UGT1A8: variants seen among roughly 807,000 people sequenced by gnomAD.
UGT1A8 encodes UDP-glucuronosyltransferase 1A8.
Under a neutral mutation model 45.3 loss-of-function variants are expected in UGT1A8, and 39 were observed. That is an observed-to-expected ratio of 0.86 (90% CI 0.67 to 1.12). The LOEUF (loss-of-function observed/expected upper bound fraction) is 1.12. UGT1A8 is among the 50% of genes most tolerant of loss of function. The probability of loss-of-function intolerance (pLI) is 0.00; values close to 1 mark genes in which losing one functional copy is unlikely to be tolerated. For synonymous variants in UGT1A8, 275 were observed against 249.2 expected, an observed-to-expected ratio of 1.10 and a Z score of -0.97; for missense variants, 719 against 664.9, an observed-to-expected ratio of 1.08 and a Z score of -0.90.
chr2:233,678,674 G>A (rs936840231), intron 1 of UGT1A8, among the ~76,000 whole-genome samples: 4 of 152,164 alleles, frequency 2.6e-5, no homozygotes, highest in African/African-American at 9.7e-5. Flanking sequence ...GGCTTGTATT[G>A]TGTAAGGCCA....
intron 1 of UGT1A8, chr2:233,672,204 C>G: frequency 1.2e-6 from 2 of 1,614,170 alleles, no homozygotes; most frequent in Non-Finnish European, 1.7e-6. Context: ...ACCGGGAGTT[C>G]AAGGCTTTTG....
intron 1 of UGT1A8, chr2:233,760,741 C>G: frequency 6.2e-7 from 1 of 1,614,110 alleles, no homozygotes; most frequent in South Asian, 1.1e-5. Context: ...GCTGACGGAC[C>G]CTTTCCTTCC....
At chr2:233,693,592 C>A (rs1176856188) in intron 1 of UGT1A8, 1 of 1,614,232 alleles carries the variant, frequency 6.2e-7, no homozygotes, top group South Asian at 1.1e-5. Flanking sequence ...CCAGGTGCTA[C>A]ACAAAGTTTT....
At chr2:233,708,804 C>G (rs1422792473) in intron 1 of UGT1A8, 1 of 151,436 alleles carries the variant, frequency 6.6e-6, no homozygotes, top group Non-Finnish European at 1.5e-5. Context: ...ATTTGGGCAA[C>G]TTCCCCAAAT....
At chr2:233,725,722 A>G (rs368612917) in intron 1 of UGT1A8, among the ~76,000 whole-genome samples, 6 of 152,340 alleles carry the variant, frequency 3.9e-5, no homozygotes, top group African/African-American at 1.2e-4. Flanking sequence ...CATATGGTCA[A>G]TGTTTACAAA....
intron 1 of UGT1A8, among the ~76,000 whole-genome samples, chr2:233,626,772 G>A (rs979646335): frequency 1.3e-4 from 20 of 152,064 alleles, no homozygotes; most frequent in Non-Finnish European, 2.9e-4. Flanking sequence ...GACTGAATTA[G>A]AGATGTTGGG....
At chr2:233,636,094 G>A (rs2073284202) in intron 1 of UGT1A8, among the ~76,000 whole-genome samples, 1 of 150,936 alleles carries the variant, frequency 6.6e-6, no homozygotes, top group Admixed American at 6.7e-5. Context: ...AACATGAGAT[G>A]CCAATTTCTT....
At chr2:233,743,983 G>C in intron 1 of UGT1A8, 2 of 1,288,226 alleles carry the variant, frequency 1.6e-6, no homozygotes, top group Middle Eastern at 2.3e-4. Flanking sequence ...GCACCCAGGC[G>C]CAGGCCCGAG....
intron 1 of UGT1A8, chr2:233,636,460 C>T: frequency 1.3e-6 from 2 of 1,549,194 alleles, no homozygotes; most frequent in South Asian, 1.3e-5. Context: ...GCCTGTACTT[C>T]TTCCGCCTAC....
chr2:233,758,179 A>G (rs1285380219), intron 1 of UGT1A8, among the ~76,000 whole-genome samples: 1 of 152,230 alleles, frequency 6.6e-6, no homozygotes, highest in African/African-American at 2.4e-5. Context: ...CAGAGCAGAT[A>G]TTAATTGGAT....
intron 1 of UGT1A8, among the ~76,000 whole-genome samples, chr2:233,665,747 A>T (rs935757775): frequency 2.0e-5 from 3 of 152,210 alleles, no homozygotes; most frequent in African/African-American, 7.2e-5. Context: ...ATATACAGAA[A>T]ATTTAAAAAT....
In UGT1A8 at chr2:233,768,276, A is replaced by T. The variant is rs771550944; in HGVS notation, c.1132A>T (p.Ser378Cys). The T allele has an allele frequency of 3.1e-6, 5 of 1,614,024 alleles. No homozygotes were observed. In the African/African-American group the frequency reaches 6.7e-5, roughly 22 times the overall value. Residue 378 changes from serine (S) to cysteine (C), a missense_variant, in exon 4 of 5, where the codon AGC becomes TGC. Coordinates refer to ENST00000373450, the MANE Select transcript of UGT1A8 (RefSeq NM_019076.5). ...TGCTGGTTCCCATGGTGTTTATGAA[A>T]GCATATGCAATGGCGTTCCCATGGT... ...THAGSHGVYE[S>C]ICNGVPMVMM... is the part of the protein sequence containing the mutation.
At chr2:233,766,995 T>C in intron 1 of UGT1A8, 39 bp from the exon 2 acceptor site, 2 of 1,613,538 alleles carry the variant, frequency 1.2e-6, no homozygotes, top group Admixed American at 1.7e-5. Context: ...TCAAAGAATA[T>C]GAGAAAAAAT....
intron 1 of UGT1A8, among the ~76,000 whole-genome samples, chr2:233,669,359 G>A (rs2125498176): frequency 6.6e-6 from 1 of 152,106 alleles, no homozygotes; most frequent in South Asian, 2.1e-4. Flanking sequence ...AAGATAGCCT[G>A]CTGGAATTTA....
chr2:233,627,815 T>G (rs2073117375), intron 1 of UGT1A8, among the ~76,000 whole-genome samples: 1 of 152,032 alleles, frequency 6.6e-6, no homozygotes, highest in Admixed American at 6.6e-5. Flanking sequence ...GATTTCTTTT[T>G]GCTTCTTGGG....
At chr2:233,712,842 C>T (rs11689628) in intron 1 of UGT1A8, 42,041 of 1,510,292 alleles carry the variant, frequency 0.028, 621 homozygotes, top group African/African-American at 0.045. Flanking sequence ...TATAGATTAA[C>T]GGGTAATAAG....
rs374980275 is a variant in UGT1A8, at chr2:233,618,015, G to C, written c.308G>C (p.Arg103Pro). 3 of 1,614,162 alleles carry C rather than the reference G, an allele frequency of 1.9e-6. No individual in the cohort carries two copies. The South Asian group carries it at 3.3e-5, about 18-fold the overall frequency. The change falls in exon 1 of 5, where the codon CGA becomes CCA. Residue 103 changes from arginine (R) to proline (P), a missense_variant. Arg to Pro is a moderately radical substitution (Grantham distance 103). Coordinates refer to ENST00000373450, the MANE Select transcript of UGT1A8 (RefSeq NM_019076.5). ...FADAQWKAQV[R>P]SLFSLFLSSS... ...GATGCTCAATGGAAAGCACAAGTAC[G>C]AAGTTTGTTTTCTCTATTTCTGAGT...
At chr2:233,747,331 C>T in intron 1 of UGT1A8, 1 of 1,603,324 alleles carries the variant, frequency 6.2e-7, no homozygotes. Flanking sequence ...TGATGGCAGC[C>T]ACTGGCTCGC....
chr2:233,643,088 T>C lies in UGT1A8; in HGVS notation c.855+24526T>C, dbSNP rs192265690. Among the ~76,000 whole-genome samples, 193 of 152,322 alleles carry C rather than the reference T, an allele frequency of 1.3e-3. 2 individuals carry two copies. The highest frequency in any genetic ancestry group is 4.3e-3 in the South Asian group (21 of 4,828). ...ATGTTTGCTCAACGCCCTTGGGCTT[T>C]ACAATCAGCAGGTGATACAGCCAGC... On this transcript the variant is annotated intron_variant, in intron 1 of 4. Transcript: ENST00000373450.
Sources: gnomAD v4.1 joint callset for allele counts (sites outside exome capture counted in the v4.1 genomes callset) on GRCh38, gnomAD v4.1.1 for gene constraint, MANE v1.5 for transcripts, NCBI Gene and HGNC (gene_info 2026-07-23, HGNC 2026-07-21) for gene names.